The following UGT1A6 variants were observed in gnomAD, a reference collection of about 807,000 sequenced individuals.
UGT1A6 encodes UDP glucuronosyltransferase family 1 member A6, also known as UDP-glucuronosyltransferase 1A6.
In UGT1A6, 32 loss-of-function variants were observed where a neutral mutation model predicts 44.4. The ratio of observed to expected loss-of-function variants is 0.72; its 90% CI spans 0.54 to 0.97. UGT1A6 has a LOEUF of 0.97. UGT1A6 is among the 50% of genes least tolerant of loss of function. The probability of loss-of-function intolerance (pLI) is 0.00; values close to 1 mark genes in which losing one functional copy is unlikely to be tolerated. For synonymous variants in UGT1A6, 238 were observed against 248.5 expected (o/e 0.96, Z 0.40); for missense variants, 685 against 661.9 (o/e 1.03, Z -0.38).
rs142919887 is a variant in UGT1A6, at chr2:233,693,235, C to A, written c.231C>A (p.Ile77=). The A allele has an allele frequency of 1.4e-4, 230 of 1,614,162 alleles. 1 individual carries two copies. The African/African-American group carries it at 2.3e-3, about 16-fold the overall frequency. ...AATCCAAATACTACACAAGAAAAAT[C>A]TATCCAGTGCCGTATGACCAAGAAG... ...LKESKYYTRK[I]YPVPYDQEEL... is the part of the protein sequence containing the mutation. Residue 77 remains isoleucine (I), a synonymous_variant, in exon 1 of 5, where the codon ATC becomes ATA. Transcript: ENST00000305139.
At chr2:233,714,266 G>A (rs374255632) in intron 1 of UGT1A6, among the ~76,000 whole-genome samples, 1 of 152,208 alleles carries the variant, frequency 6.6e-6, no homozygotes, top group African/African-American at 2.4e-5. Flanking sequence ...ATTTACAATT[G>A]TTGACGTGAC....
At chr2:233,733,976 G>A (rs1421347211) in intron 1 of UGT1A6, among the ~76,000 whole-genome samples, 2 of 152,086 alleles carry the variant, frequency 1.3e-5, no homozygotes, top group Non-Finnish European at 2.9e-5. Context: ...GGAGCGGGGA[G>A]GGATAGCATT....
intron 1 of UGT1A6, among the ~76,000 whole-genome samples, chr2:233,696,800 T>C (rs1221505832): frequency 1.3e-5 from 2 of 152,202 alleles, no homozygotes; most frequent in East Asian, 3.8e-4. Context: ...GTATGTTCCT[T>C]CTGTAGCCAG....
intron 1 of UGT1A6, among the ~76,000 whole-genome samples, chr2:233,723,789 T>G (rs1237220769): frequency 4.1e-5 from 2 of 49,208 alleles, no homozygotes; most frequent in Non-Finnish European, 6.9e-5. Flanking sequence ...TGCACCGCCC[T>G]TAATCCATTT....
intron 1 of UGT1A6, chr2:233,719,072 G>T (rs148007151): frequency 6.2e-7 from 1 of 1,614,284 alleles, no homozygotes. Context: ...CTGTTCCATG[G>T]ACCCAGAAGG....
chr2:233,729,484 A>C, intron 1 of UGT1A6: 1 of 1,614,190 alleles, frequency 6.2e-7, no homozygotes, highest in Non-Finnish European at 8.5e-7. Context: ...GTTGAACAAT[A>C]TGTCTTTGGT....
At chr2:233,713,529 T>A in intron 1 of UGT1A6, 1 of 1,613,944 alleles carries the variant, frequency 6.2e-7, no homozygotes, top group Non-Finnish European at 8.5e-7. Flanking sequence ...TCCATGTGAT[T>A]TAGACTTTAA....
chr2:233,743,634 C>T (rs776464072), intron 1 of UGT1A6: 4 of 1,367,180 alleles, frequency 2.9e-6, no homozygotes, highest in Non-Finnish European at 2.0e-6. Flanking sequence ...TCGGCTGGGT[C>T]GCGGAAGCTG....
At chr2:233,761,660 C>T (rs998044886) in intron 1 of UGT1A6, among the ~76,000 whole-genome samples, 2 of 152,246 alleles carry the variant, frequency 1.3e-5, no homozygotes, top group African/African-American at 4.8e-5. Flanking sequence ...ATGAGTGAAT[C>T]ACCAGACAGT....
intron 1 of UGT1A6, chr2:233,760,195 C>T (rs2125980169): frequency 6.4e-7 from 1 of 1,574,430 alleles, no homozygotes; most frequent in Admixed American, 1.7e-5. Context: ...TCACGTGACA[C>T]AGTCAAACAT....
intron 1 of UGT1A6, among the ~76,000 whole-genome samples, chr2:233,757,562 G>GTATATATATATATATATATATACATA (rs1491042837): frequency 1.1e-5 from 1 of 90,870 alleles, no homozygotes; most frequent in Non-Finnish European, 2.1e-5. Flanking sequence ...ATATATATAT[G>GTATATATATATATATATATATACATA]TATATATGAT....
chr2:233,731,757 G>A (rs2078201217), intron 1 of UGT1A6, among the ~76,000 whole-genome samples: 1 of 152,162 alleles, frequency 6.6e-6, no homozygotes. Flanking sequence ...GTGTGCATGT[G>A]TCCTTAGAGT....
chr2:233,739,222 A>G (rs1312187699), intron 1 of UGT1A6, among the ~76,000 whole-genome samples: 1 of 152,214 alleles, frequency 6.6e-6, no homozygotes, highest in Non-Finnish European at 1.5e-5. Flanking sequence ...TAGAGTCCTT[A>G]TAGAGAACCT....
At chr2:233,701,138 G>A (rs1232602539) in intron 1 of UGT1A6, among the ~76,000 whole-genome samples, 2 of 152,142 alleles carry the variant, frequency 1.3e-5, no homozygotes, top group Non-Finnish European at 2.9e-5. Flanking sequence ...ATTTAGGTTG[G>A]TTCCAAGTCT....
intron 1 of UGT1A6, among the ~76,000 whole-genome samples, chr2:233,746,470 A>C (rs1310621579): frequency 6.6e-6 from 1 of 151,764 alleles, no homozygotes; most frequent in Non-Finnish European, 1.5e-5. Context: ...AGGGTTCCAG[A>C]AACACTTTCC....
chr2:233,715,458 T>C (rs1405071457), intron 1 of UGT1A6, among the ~76,000 whole-genome samples: 3 of 152,180 alleles, frequency 2.0e-5, no homozygotes, highest in Admixed American at 6.5e-5. Context: ...ATTTTTTGAA[T>C]TCCCCATCTC....
intron 1 of UGT1A6, chr2:233,755,092 ACGC>A (rs1418876721): frequency 2.2e-6 from 3 of 1,335,040 alleles, no homozygotes; most frequent in Non-Finnish European, 3.0e-6. Flanking sequence ...TCGCGTTTCT[ACGC>A]GTCCGACAAC....
chr2:233,746,290 CTT>C (rs1389294286), intron 1 of UGT1A6, among the ~76,000 whole-genome samples: 2 of 151,596 alleles, frequency 1.3e-5, no homozygotes, highest in Non-Finnish European at 2.9e-5. Flanking sequence ...AGGAAGGTGG[CTT>C]TGTTTCCCTT....
Position 233,768,314 on chromosome 2 carries a change from G to GT in UGT1A6, c.1179dup (p.Gly394TrpfsTer2). 1 of 1,614,180 alleles carries GT rather than the reference G, an allele frequency of 6.2e-7. No individual in the cohort carries two copies. Among genetic ancestry groups the GT allele is most frequent in the Non-Finnish European group, 8.5e-7 (1 of 1,180,040 alleles). ...GCGTTCCCATGGTGATGATGCCCTTGTTTGGTGATCAGATGGACAATGCAA... is the reference window on the plus strand; with the variant it reads ...GCGTTCCCATGGTGATGATGCCCTTGTTTTGGTGATCAGATGGACAATGCAA... On this transcript the variant is annotated frameshift_variant, in exon 4 of 5. Transcript: ENST00000305139. LOFTEE classifies it high-confidence loss of function.
Sources: allele counts gnomAD v4.1 joint callset (sites outside exome capture counted in the v4.1 genomes callset), GRCh38; gene constraint gnomAD v4.1.1; transcripts MANE v1.5; gene names NCBI Gene and HGNC (gene_info 2026-07-23, HGNC 2026-07-21).